The following CYP4F3 variants were observed in gnomAD, a reference collection of about 807,000 sequenced individuals.
CYP4F3 encodes cytochrome P450 4F3.
Under a neutral mutation model 54.8 loss-of-function variants are expected in CYP4F3, and 50 were observed. The ratio of observed to expected loss-of-function variants is 0.91; its 90% CI spans 0.73 to 1.16. The LOEUF (loss-of-function observed/expected upper bound fraction) is 1.16, where lower values mean the gene tolerates loss of function less well. CYP4F3 is among the 50% of genes most tolerant of loss of function. The pLI, the probability that CYP4F3 is intolerant of heterozygous loss-of-function variation, is 0.00. For synonymous variants in CYP4F3, 244 were observed against 262.6 expected (o/e 0.93, Z 0.69); for missense variants, 715 against 676.2 (o/e 1.06, Z -0.64).
At chr19:15,642,198 T>A (rs1455411053) in intron 2 of CYP4F3, among the ~76,000 whole-genome samples, 1 of 152,190 alleles carries the variant, frequency 6.6e-6, no homozygotes, top group Non-Finnish European at 1.5e-5. Flanking sequence ...GACCTTGCCC[T>A]CTGACTTAGA....
rs1216365035 is a variant in CYP4F3, at chr19:15,641,531, A to G, written c.116A>G (p.Tyr39Cys). 8.7e-6 allele frequency: 14 copies of G among 1,613,970 alleles called. No individual in the cohort carries two copies. Among genetic ancestry groups the G allele is most frequent in the Middle Eastern group, 1.6e-4 (1 of 6,084 alleles). ...CTGGCCCGCATCCTGGCCTGGACCTATACCTTCTATGACAACTGCTGCCGC... is the reference window on the plus strand; with the variant it reads ...CTGGCCCGCATCCTGGCCTGGACCTGTACCTTCTATGACAACTGCTGCCGC... ...WLLARILAWT[Y>C]TFYDNCCRLR... The change falls in exon 2 of 13, where the codon TAT becomes TGT. Residue 39 changes from tyrosine to cysteine, a missense_variant. Tyr to Cys is a radical substitution (Grantham distance 194). Transcript: ENST00000221307.
intron 2 of CYP4F3, among the ~76,000 whole-genome samples, chr19:15,642,103 A>G (rs1312208825): frequency 6.6e-6 from 1 of 152,098 alleles, no homozygotes; most frequent in Non-Finnish European, 1.5e-5. Flanking sequence ...AAGATGTCCC[A>G]ATGGGGTCCT....
In CYP4F3 at chr19:15,659,625, T is replaced by G. The variant is rs187405197; in HGVS notation, c.*240T>G. 2.3e-4 allele frequency: 144 copies of G among 619,160 alleles called. 1 individual carries two copies. The African/African-American group carries it at 2.4e-3, about 10-fold the overall frequency. 38.4% of individuals were successfully genotyped at this position (619,160 alleles called of 1,614,324 possible). ...AGCTATATATTACCAGATGAAAGGA[T>G]AAACAAAATATGGTCCATCCATACA... is the stretch of plus-strand genomic sequence containing the variant. On this transcript the variant is annotated 3_prime_UTR_variant, in exon 13 of 13. Transcript: ENST00000221307.
rs149389323 is a variant in CYP4F3 at position 15,652,635 on chromosome 19, G to T, written c.985G>T (p.Gly329Cys). 6.2e-7 allele frequency: 1 copy of T among 1,614,042 alleles called. No individual in the cohort carries two copies. Among genetic ancestry groups the T allele is most frequent in the Non-Finnish European group, 8.5e-7 (1 of 1,180,038 alleles). The part of the protein sequence containing the change: ...RAEADTFMFE[G>C]HDTTASGLSW... ...AGAAGCTGACACCTTTATGTTTGAG[G>T]GTGAGGGCCCCAGTGTGGGGCTAGA... Residue 329 changes from glycine to cysteine, a missense_variant and splice_region_variant, in exon 8 of 13, where the codon GGC becomes TGC. Coordinates refer to ENST00000221307, the MANE Select transcript of CYP4F3 (RefSeq NM_000896.3).
At chr19:15,658,454 G>A (rs1324868267) in intron 10 of CYP4F3, 37 bp from the exon 11 acceptor site, 1 of 1,613,918 alleles carries the variant, frequency 6.2e-7, no homozygotes, top group Non-Finnish European at 8.5e-7. Context: ...CCCTCAGGCA[G>A]GGAGCATTGT....
intron 9 of CYP4F3, among the ~76,000 whole-genome samples, chr19:15,654,401 C>A (rs1972959508): frequency 6.6e-6 from 1 of 152,108 alleles, no homozygotes; most frequent in South Asian, 2.1e-4. Flanking sequence ...CTAACATAAG[C>A]AAACTACTTT....
Position 15,653,025 on chromosome 19 carries a change from AG to A in CYP4F3, c.1115+77del, listed in dbSNP as rs1453225803. 18 of 1,522,102 alleles carry A rather than the reference AG, an allele frequency of 1.2e-5. No homozygotes were observed. The African/African-American group carries it at 2.5e-4, about 21-fold the overall frequency. The allele number at this position is 1,522,102 out of a possible 1,614,324, so 94.3% of individuals were successfully genotyped here. On this transcript the variant is annotated intron_variant, in intron 9 of 12. Coordinates refer to ENST00000221307, the MANE Select transcript of CYP4F3 (RefSeq NM_000896.3). ...CTGTTCCCCAGGTAGGGAGGGGAGA[AG>A]GGGTTGTTTTTGTTGATTCTGCCAC...
chr19:15,641,701 G>A, intron 2 of CYP4F3, 88 bp downstream of exon 2: 2 of 1,340,188 alleles, frequency 1.5e-6, no homozygotes, highest in East Asian at 2.4e-5. Context: ...GAGGGGGTGG[G>A]CTGGGGTCTG....
At position 15,660,264 on chromosome 19, in the gene CYP4F3, G is replaced by T. The variant is rs924933612; in HGVS notation, c.*879G>T. 26 of 152,236 alleles carry T rather than the reference G, an allele frequency of 1.7e-4. No homozygotes were observed. Among genetic ancestry groups the T allele is most frequent in the African/African-American group, 5.5e-4 (23 of 41,546 alleles). 9.4% of individuals were successfully genotyped at this position (152,236 alleles called of 1,614,324 possible). ...TTTTCTGGCACTTTAATGGCTTGAG[G>T]TATCATTATCAGTTACAAATTGAGT... On this transcript the variant is annotated 3_prime_UTR_variant, in exon 13 of 13. Coordinates refer to ENST00000221307, the MANE Select transcript of CYP4F3 (RefSeq NM_000896.3).
At chr19:15,653,735 GGAGAGAGAGAGAGA>G (rs60874509) in intron 9 of CYP4F3, among the ~76,000 whole-genome samples, 20,714 of 111,776 alleles carry the variant, frequency 0.19, 2,073 homozygotes, top group Middle Eastern at 0.29. Context: ...AAGAGAGAGA[GGAGAGAGAGAGAGA>G]GAGAGAGAGA....
At chr19:15,645,995 CT>C in intron 3 of CYP4F3, 132 bp downstream of exon 3, 10 of 1,261,630 alleles carry the variant, frequency 7.9e-6, no homozygotes, top group Non-Finnish European at 1.1e-5. Context: ...GGAGATGCCA[CT>C]GCTTCCATCT....
chr19:15,650,161 T>A lies in CYP4F3; in HGVS notation c.896T>A (p.Ile299Asn), dbSNP rs200626718. 701 of 1,614,042 alleles carry A rather than the reference T, an allele frequency of 4.3e-4. No individual in the cohort carries two copies. Among genetic ancestry groups the A allele is most frequent in the Non-Finnish European group, 5.8e-4 (687 of 1,180,026 alleles). The change falls in exon 7 of 13, where the codon ATT becomes AAT. Residue 299 changes from isoleucine (I) to asparagine (N), a missense_variant. Ile to Asn is a moderately radical substitution (Grantham distance 149). Transcript: ENST00000221307. ...AKAKSKTLDF[I>N]DVLLLSKDED... ...GCCAAATCCAAGACTTTGGACTTCA[T>A]TGATGTACTCCTGCTGAGCAAGGTG...
At chr19:15,647,429 G>T in intron 5 of CYP4F3, 105 bp downstream of exon 5, 1 of 1,537,426 alleles carries the variant, frequency 6.5e-7, no homozygotes, top group South Asian at 1.2e-5. Context: ...CTGGGCCATT[G>T]TCTTCCTCTC....
At chr19:15,656,929 TATATTTTATTCC>T (rs1199411452) in intron 9 of CYP4F3, among the ~76,000 whole-genome samples, 6 of 152,184 alleles carry the variant, frequency 3.9e-5, no homozygotes, top group African/African-American at 1.4e-4. Context: ...CTGAGTGCTG[TATATTTTATTCC>T]ATATTTTATT....
chr19:15,653,744 GAGAGAGAGAGAGA>G (rs1972933763), intron 9 of CYP4F3, among the ~76,000 whole-genome samples: 2 of 31,496 alleles, frequency 6.4e-5, no homozygotes, highest in Admixed American at 3.7e-4. Context: ...AGGAGAGAGA[GAGAGAGAGAGAGA>G]GAGAGAGAGA....
rs772506444 is a variant in CYP4F3, at chr19:15,645,896, C to G, written c.343+33C>G. 2.4e-5 allele frequency: 38 copies of G among 1,560,780 alleles called. No homozygotes were observed. The Admixed American group carries it at 3.0e-4, about 12-fold the overall frequency. ...CTGCACTGGCCACTCCAGGTAGACACTGCACTGGCCACGCCTTGCCCACAG... is the reference window on the plus strand; with the variant it reads ...CTGCACTGGCCACTCCAGGTAGACAGTGCACTGGCCACGCCTTGCCCACAG... On this transcript the variant is annotated intron_variant, in intron 3 of 12. Coordinates refer to ENST00000221307, the MANE Select transcript of CYP4F3 (RefSeq NM_000896.3).
chr19:15,650,664 CTTTCTTTCTTTCTT>C (rs1972772702), intron 7 of CYP4F3, among the ~76,000 whole-genome samples: 2 of 18,084 alleles, frequency 1.1e-4, no homozygotes, highest in Admixed American at 1.2e-3. Context: ...CCTTCTTTTT[CTTTCTTTCTTTCTT>C]TCTTTCTTTC....
Position 15,647,080 on chromosome 19 carries a change from C to T in CYP4F3, c.372C>T (p.Phe124=). The change falls in exon 4 of 13, where the codon TTC becomes TTT. Residue 124 remains phenylalanine, a synonymous_variant. Coordinates refer to ENST00000221307, the MANE Select transcript of CYP4F3 (RefSeq NM_000896.3). ...CCATTGTACCAAAGGACAAGGTCTT[C>T]TACAGCTTCCTGAAGCCCTGGCTGG... ...PAAIVPKDKV[F]YSFLKPWLGD... is the part of the protein sequence containing the mutation. 1.2e-6 allele frequency: 2 copies of T among 1,614,202 alleles called. No homozygotes were observed. The highest frequency in any genetic ancestry group is 1.3e-5 in the African/African-American group (1 of 75,054).
At position 15,649,299 on chromosome 19, in the gene CYP4F3, G is replaced by A; in HGVS notation, c.647+18G>A. The A allele has an allele frequency of 6.2e-7, 1 of 1,612,254 alleles. No individual in the cohort carries two copies. Among genetic ancestry groups the A allele is most frequent in the Non-Finnish European group, 8.5e-7 (1 of 1,178,806 alleles). On this transcript the variant is annotated intron_variant, in intron 6 of 12. Coordinates refer to ENST00000221307, the MANE Select transcript of CYP4F3 (RefSeq NM_000896.3). ...TGCCAGGAGTAAGTTCTTGCCCAGG[G>A]TCTGGGATCCTGGGCCGTGGACACA...
Sources: gnomAD v4.1 joint callset for allele counts (sites outside exome capture counted in the v4.1 genomes callset) on GRCh38, gnomAD v4.1.1 for gene constraint, MANE v1.5 for transcripts, NCBI Gene and HGNC (gene_info 2026-07-23, HGNC 2026-07-21) for gene names.